RSRC1: variants seen among roughly 807,000 people sequenced by gnomAD.
The protein encoded by RSRC1 is arginine and serine rich coiled-coil 1, also known as serine/Arginine-related protein 53.
Under a neutral mutation model 49.1 loss-of-function variants are expected in RSRC1, and 39 were observed. The ratio of observed to expected loss-of-function variants is 0.79; its 90% CI spans 0.61 to 1.04. The LOEUF is 1.04. RSRC1 is among the 50% of genes least tolerant of loss of function. RSRC1 has a pLI of 0.00. For synonymous variants in RSRC1, 143 were observed against 130.8 expected (o/e 1.09, Z -0.63); for missense variants, 388 against 402.4 (o/e 0.96, Z 0.31).
chr3:158,338,422 T>G (rs1248318409), intron 5 of RSRC1, among the ~76,000 whole-genome samples: 1 of 152,214 alleles, frequency 6.6e-6, no homozygotes, highest in Non-Finnish European at 1.5e-5. Context: ...ACCTTGATCC[T>G]AAGAGATAGA....
intron 6 of RSRC1, among the ~76,000 whole-genome samples, chr3:158,375,220 G>A (rs1313823453): frequency 4.0e-5 from 6 of 150,124 alleles, no homozygotes; most frequent in African/African-American, 1.5e-4. Context: ...TTTTGAGACA[G>A]GGTCTCACTC....
At chr3:158,196,838 C>G (rs1720653776) in intron 3 of RSRC1, among the ~76,000 whole-genome samples, 2 of 152,122 alleles carry the variant, frequency 1.3e-5, no homozygotes, top group Admixed American at 1.3e-4. Flanking sequence ...GACTTGCATC[C>G]CAGGGATGAA....
chr3:158,381,294 A>G (rs888048514), intron 6 of RSRC1, among the ~76,000 whole-genome samples: 5 of 152,182 alleles, frequency 3.3e-5, no homozygotes, highest in Non-Finnish European at 5.9e-5. Context: ...ATAATTTCTT[A>G]GCCACCTCCT....
At chr3:158,234,382 T>G (rs1474950979) in intron 4 of RSRC1, among the ~76,000 whole-genome samples, 1 of 152,194 alleles carries the variant, frequency 6.6e-6, no homozygotes, top group African/African-American at 2.4e-5. Context: ...GTAAATTTTG[T>G]AGTGATATTT....
intron 6 of RSRC1, among the ~76,000 whole-genome samples, chr3:158,392,257 A>T (rs1560023063): frequency 1.3e-5 from 2 of 152,134 alleles, no homozygotes; most frequent in South Asian, 4.1e-4. Flanking sequence ...TACTGTGGCT[A>T]TGAGAATAAT....
intron 1 of RSRC1, among the ~76,000 whole-genome samples, chr3:158,121,831 C>T (rs1259846637): frequency 6.6e-6 from 1 of 151,974 alleles, no homozygotes; most frequent in Non-Finnish European, 1.5e-5. Flanking sequence ...AAAAATTTTA[C>T]AAAGTTTTAT....
At chr3:158,496,676 A>G (rs779363082) in intron 7 of RSRC1, 11 of 191,770 alleles carry the variant, frequency 5.7e-5, no homozygotes, top group Non-Finnish European at 1.0e-4. Flanking sequence ...ACAAGTTCCA[A>G]GCCCACCTTT....
chr3:158,449,629 A>AT (rs34201368), intron 6 of RSRC1, among the ~76,000 whole-genome samples: 20,353 of 151,404 alleles, frequency 0.13, 1,487 homozygotes, highest in Middle Eastern at 0.2. Context: ...ATATATATAT[A>AT]TTTTTATTAT....
intron 5 of RSRC1, among the ~76,000 whole-genome samples, chr3:158,343,205 G>A (rs1292594124): frequency 6.6e-6 from 1 of 152,178 alleles, no homozygotes; most frequent in East Asian, 1.9e-4. Context: ...TTTAAATAGA[G>A]TATAAAAACC....
At chr3:158,390,643 T>G (rs1051095050) in intron 6 of RSRC1, among the ~76,000 whole-genome samples, 1 of 152,140 alleles carries the variant, frequency 6.6e-6, no homozygotes, top group Non-Finnish European at 1.5e-5. Context: ...AATAATATTA[T>G]TGTCCCTGGA....
At chr3:158,156,599 G>C (rs904487586) in intron 3 of RSRC1, among the ~76,000 whole-genome samples, 1 of 152,170 alleles carries the variant, frequency 6.6e-6, no homozygotes, top group African/African-American at 2.4e-5. Context: ...AGAGATGTAT[G>C]ACTGTTCTTT....
chr3:158,198,747 T>C (rs1720825292), intron 3 of RSRC1, among the ~76,000 whole-genome samples: 1 of 152,146 alleles, frequency 6.6e-6, no homozygotes, highest in African/African-American at 2.4e-5. Flanking sequence ...ACCCATCTTC[T>C]GCGTCACTCA....
At chr3:158,542,302 G>T (rs564487806) in intron 8 of RSRC1, among the ~76,000 whole-genome samples, 204 of 152,274 alleles carry the variant, frequency 1.3e-3, no homozygotes, top group Non-Finnish European at 2.4e-3. Flanking sequence ...AGGCCAAGGC[G>T]GGCTGATCAC....
rs540418131 is a variant in RSRC1 at position 158,195,906 on chromosome 3, T to A, written c.321-7166T>A. ...TGCTGTTCTGGTTACTGTAGCCTTG[T>A]AGTATAGTTTGAAGTCAGGTAGCGT... On this transcript the variant is annotated intron_variant, in intron 3 of 9. Coordinates refer to ENST00000611884, the MANE Select transcript of RSRC1 (RefSeq NM_001271838.2). Among the ~76,000 whole-genome samples the A allele has an allele frequency of 3.4e-4, 51 of 152,104 alleles. No homozygotes were observed. The East Asian group carries it at 9.7e-3, about 29-fold the overall frequency.
At chr3:158,526,495 A>G (rs903762074) in intron 7 of RSRC1, among the ~76,000 whole-genome samples, 2 of 152,034 alleles carry the variant, frequency 1.3e-5, no homozygotes, top group African/African-American at 2.4e-5. Flanking sequence ...TACCCACTGT[A>G]TAGTCAGATC....
chr3:158,139,093 T>C (rs751396193), intron 3 of RSRC1, among the ~76,000 whole-genome samples: 1 of 152,102 alleles, frequency 6.6e-6, no homozygotes, highest in Non-Finnish European at 1.5e-5. Flanking sequence ...CTTACTATAA[T>C]TTTTTGAGAA....
intron 4 of RSRC1, among the ~76,000 whole-genome samples, chr3:158,292,032 C>T (rs1446315788): frequency 6.6e-6 from 1 of 152,194 alleles, no homozygotes; most frequent in Non-Finnish European, 1.5e-5. Flanking sequence ...ATAATTGATA[C>T]ATGGCATCTT....
chr3:158,355,653 T>C (rs1220277297), intron 6 of RSRC1, among the ~76,000 whole-genome samples: 1 of 152,052 alleles, frequency 6.6e-6, no homozygotes, highest in Non-Finnish European at 1.5e-5. Flanking sequence ...TTAAATACTT[T>C]ACTTTTTTAA....
At chr3:158,170,156 G>A (rs1013724029) in intron 3 of RSRC1, among the ~76,000 whole-genome samples, 1 of 152,050 alleles carries the variant, frequency 6.6e-6, no homozygotes, top group African/African-American at 2.4e-5. Context: ...TACCTAATTT[G>A]TTCACCTGGC....
Sources: gnomAD v4.1 joint callset for allele counts (sites outside exome capture counted in the v4.1 genomes callset) on GRCh38, gnomAD v4.1.1 for gene constraint, MANE v1.5 for transcripts, NCBI Gene and HGNC (gene_info 2026-07-23, HGNC 2026-07-21) for gene names.